UBE2E2: variants seen among roughly 807,000 people sequenced by gnomAD.
UBE2E2 encodes ubiquitin-conjugating enzyme E2 E2.
UBE2E2 carries 6 observed loss-of-function variants against 24.7 expected under a neutral mutation model. That is an observed-to-expected ratio of 0.24 (90% CI 0.13 to 0.48). The LOEUF (loss-of-function observed/expected upper bound fraction) is 0.48, where lower values mean the gene tolerates loss of function less well. UBE2E2 is among the 20% of genes least tolerant of loss of function. UBE2E2 has a pLI of 0.99. For missense variants in UBE2E2, 169 were observed against 245.0 expected (o/e 0.69, Z 2.07); for synonymous variants, 104 against 83.6 (o/e 1.24, Z -1.33).
intron 3 of UBE2E2, among the ~76,000 whole-genome samples, chr3:23,459,554 C>T (rs779214376): frequency 4.6e-5 from 7 of 152,186 alleles, no homozygotes; most frequent in Non-Finnish European, 8.8e-5. Flanking sequence ...CTATCCAGAA[C>T]GTAAAAAGGA....
At chr3:23,326,644 T>G (rs1242888949) in intron 3 of UBE2E2, among the ~76,000 whole-genome samples, 2 of 152,230 alleles carry the variant, frequency 1.3e-5, no homozygotes, top group Non-Finnish European at 2.9e-5. Context: ...TTTCCAGAAG[T>G]CTTTTAATGG....
At chr3:23,577,995 A>G (rs1190367930) in intron 5 of UBE2E2, among the ~76,000 whole-genome samples, 1 of 149,448 alleles carries the variant, frequency 6.7e-6, no homozygotes, top group South Asian at 2.2e-4. Context: ...CCCACGGTTG[A>G]GACCTACCTC....
chr3:23,546,056 G>A (rs569163393), intron 5 of UBE2E2, among the ~76,000 whole-genome samples: 5 of 152,290 alleles, frequency 3.3e-5, no homozygotes, highest in Non-Finnish European at 7.4e-5. Context: ...TGGGTAAAGT[G>A]TGCACTACTC....
chr3:23,520,514 C>G (rs1160927745), intron 4 of UBE2E2, among the ~76,000 whole-genome samples: 1 of 152,154 alleles, frequency 6.6e-6, no homozygotes, highest in Non-Finnish European at 1.5e-5. Flanking sequence ...TTTGTGAATA[C>G]TCTGCTACTT....
At chr3:23,344,270 A>G (rs1296307259) in intron 3 of UBE2E2, among the ~76,000 whole-genome samples, 3 of 152,106 alleles carry the variant, frequency 2.0e-5, no homozygotes, top group African/African-American at 7.2e-5. Flanking sequence ...TCATCTTACA[A>G]TAGAGACAGC....
chr3:23,422,244 A>G (rs530766815), intron 3 of UBE2E2, among the ~76,000 whole-genome samples: 42 of 152,324 alleles, frequency 2.8e-4, no homozygotes, highest in African/African-American at 9.9e-4. Context: ...GAGCATTAAT[A>G]ATAAATACGG....
At chr3:23,531,390 C>G (rs1258125008) in intron 4 of UBE2E2, among the ~76,000 whole-genome samples, 1 of 152,150 alleles carries the variant, frequency 6.6e-6, no homozygotes, top group Non-Finnish European at 1.5e-5. Context: ...ATATTCACAT[C>G]TTATTGCCGT....
At chr3:23,400,074 A>G (rs549251943) in intron 3 of UBE2E2, among the ~76,000 whole-genome samples, 1 of 152,324 alleles carries the variant, frequency 6.6e-6, no homozygotes, top group Admixed American at 6.5e-5. Context: ...TGCTGAAAGA[A>G]ATATTACCGT....
intron 3 of UBE2E2, among the ~76,000 whole-genome samples, chr3:23,400,644 C>T (rs933180359): frequency 1.0e-5 from 1 of 95,254 alleles, no homozygotes; most frequent in Non-Finnish European, 2.1e-5. Context: ...ACACACACAT[C>T]TCAGGCCTTT....
At chr3:23,364,684 A>G (rs1302424092) in intron 3 of UBE2E2, among the ~76,000 whole-genome samples, 3 of 152,146 alleles carry the variant, frequency 2.0e-5, no homozygotes, top group African/African-American at 4.8e-5. Flanking sequence ...CAGCCAAACT[A>G]CTGAATGTGT....
intron 3 of UBE2E2, among the ~76,000 whole-genome samples, chr3:23,260,553 CT>C (rs1697867841): frequency 6.6e-6 from 1 of 152,120 alleles, no homozygotes; most frequent in African/African-American, 2.4e-5. Context: ...TGGTTTACTC[CT>C]GTAATCCCAG....
intron 1 of UBE2E2, among the ~76,000 whole-genome samples, chr3:23,206,928 TAA>T (rs1251422846): frequency 6.6e-6 from 1 of 152,166 alleles, no homozygotes; most frequent in African/African-American, 2.4e-5. Flanking sequence ...GTAATTTGAT[TAA>T]GAGTAATCAA....
At chr3:23,417,295 CT>C (rs1177265504) in intron 3 of UBE2E2, among the ~76,000 whole-genome samples, 1 of 152,178 alleles carries the variant, frequency 6.6e-6, no homozygotes, top group African/African-American at 2.4e-5. Context: ...CATTTTCCTT[CT>C]AACAGGCCCC....
chr3:23,333,285 C>T (rs1294687227), intron 3 of UBE2E2, among the ~76,000 whole-genome samples: 1 of 152,132 alleles, frequency 6.6e-6, no homozygotes, highest in East Asian at 1.9e-4. Flanking sequence ...ACCCAGTGTT[C>T]ATCAAATATG....
intron 1 of UBE2E2, among the ~76,000 whole-genome samples, chr3:23,207,451 T>A (rs1359622824): frequency 6.6e-6 from 1 of 152,158 alleles, no homozygotes; most frequent in Admixed American, 6.5e-5. Context: ...ATCTTCAGTG[T>A]CTTCATCTCT....
chr3:23,355,705 C>T (rs1249019686), intron 3 of UBE2E2, among the ~76,000 whole-genome samples: 3 of 152,202 alleles, frequency 2.0e-5, no homozygotes, highest in Non-Finnish European at 4.4e-5. Flanking sequence ...ATTACTGTCA[C>T]AGTCTCCGTA....
At chr3:23,356,375 A>G (rs1280854947) in intron 3 of UBE2E2, among the ~76,000 whole-genome samples, 4 of 152,236 alleles carry the variant, frequency 2.6e-5, no homozygotes, top group Non-Finnish European at 5.9e-5. Context: ...AGAGTTGAGC[A>G]GAGTAAATCT....
At chr3:23,389,284 G>A (rs1327781979) in intron 3 of UBE2E2, among the ~76,000 whole-genome samples, 2 of 152,194 alleles carry the variant, frequency 1.3e-5, no homozygotes, top group East Asian at 1.9e-4. Flanking sequence ...GCTCAAGCAA[G>A]CTCTGTGAGT....
chr3:23,579,151 G>T (rs557817067), intron 5 of UBE2E2, among the ~76,000 whole-genome samples: 1 of 152,226 alleles, frequency 6.6e-6, no homozygotes, highest in Non-Finnish European at 1.5e-5. Context: ...CCAGCACTTT[G>T]GGAGGCCAAG....
Sources: gnomAD v4.1 joint callset for allele counts (sites outside exome capture counted in the v4.1 genomes callset) on GRCh38, gnomAD v4.1.1 for gene constraint, MANE v1.5 for transcripts, NCBI Gene and HGNC (gene_info 2026-07-23, HGNC 2026-07-21) for gene names.